SPOCK3: variants seen among roughly 807,000 people sequenced by gnomAD.
SPOCK3 encodes the protein testican-3.
A neutral mutation model predicts 56.6 loss-of-function variants in SPOCK3; 30 were observed. That is an observed-to-expected ratio of 0.53 (90% CI 0.40 to 0.72). The LOEUF (loss-of-function observed/expected upper bound fraction) is 0.72. Ranked by LOEUF, SPOCK3 falls within the 30% of genes least tolerant of loss-of-function variation. SPOCK3 has a pLI of 0.00. For missense variants in SPOCK3, 527 were observed against 530.0 expected (o/e 0.99, Z 0.06); for synonymous variants, 196 against 183.3 (o/e 1.07, Z -0.56).
At chr4:167,209,943 G>A (rs1734708818) in intron 2 of SPOCK3, among the ~76,000 whole-genome samples, 1 of 152,024 alleles carries the variant, frequency 6.6e-6, no homozygotes, top group South Asian at 2.1e-4. Context: ...CAGTGAAGGG[G>A]GACATCACAA....
At chr4:166,994,422 C>T (rs1748134620) in intron 4 of SPOCK3, among the ~76,000 whole-genome samples, 1 of 152,142 alleles carries the variant, frequency 6.6e-6, no homozygotes, top group Non-Finnish European at 1.5e-5. Context: ...GCCAGGCATT[C>T]TGTCTCTGGC....
intron 4 of SPOCK3, among the ~76,000 whole-genome samples, chr4:166,981,393 C>A (rs1163062830): frequency 1.3e-5 from 2 of 151,982 alleles, no homozygotes; most frequent in African/African-American, 4.8e-5. Flanking sequence ...CAGGAGATCC[C>A]AATGAGTGTC....
intron 2 of SPOCK3, among the ~76,000 whole-genome samples, chr4:167,099,248 AT>A (rs1163537923): frequency 2.0e-5 from 3 of 151,994 alleles, no homozygotes; most frequent in East Asian, 1.9e-4. Flanking sequence ...CATTTTCTTC[AT>A]TTTTTAGTAG....
intron 4 of SPOCK3, among the ~76,000 whole-genome samples, chr4:166,981,545 G>A (rs951242588): frequency 2.0e-5 from 3 of 152,158 alleles, no homozygotes; most frequent in African/African-American, 4.8e-5. Flanking sequence ...CTGAGTCCAG[G>A]GTTTTTATGG....
chr4:167,219,394 C>A (rs2111088228), intron 2 of SPOCK3, among the ~76,000 whole-genome samples: 1 of 152,248 alleles, frequency 6.6e-6, no homozygotes, highest in African/African-American at 2.4e-5. Flanking sequence ...TTGAAAGTCA[C>A]AAAGTAGTTT....
intron 6 of SPOCK3, among the ~76,000 whole-genome samples, chr4:166,871,337 G>A (rs1309537485): frequency 1.3e-5 from 2 of 151,924 alleles, no homozygotes; most frequent in African/African-American, 4.8e-5. Context: ...AATAAAAAGA[G>A]GGCAAAATTA....
intron 9 of SPOCK3, among the ~76,000 whole-genome samples, chr4:166,737,970 A>G (rs890872397): frequency 1.3e-5 from 2 of 152,212 alleles, no homozygotes; most frequent in Non-Finnish European, 2.9e-5. Context: ...AGCATGGCAG[A>G]AGACCTGCCA....
chr4:167,138,702 A>G (rs898795042), intron 2 of SPOCK3, among the ~76,000 whole-genome samples: 13 of 151,992 alleles, frequency 8.6e-5, no homozygotes, highest in Admixed American at 7.9e-4. Context: ...ACTGATAAGA[A>G]AGAGTTGTCT....
chr4:166,950,110 T>G (rs1453579138), intron 4 of SPOCK3, among the ~76,000 whole-genome samples: 3 of 151,204 alleles, frequency 2.0e-5, no homozygotes. Flanking sequence ...GTAAATGGAC[T>G]AAATGCTCCA....
Position 167,104,118 on chromosome 4 carries a change from G to A in SPOCK3, c.190-41581C>T, listed in dbSNP as rs371983498. Among the ~76,000 whole-genome samples the A allele has an allele frequency of 2.8e-4, 43 of 152,116 alleles. No homozygotes were observed. The South Asian group carries it at 8.1e-3, about 29-fold the overall frequency. On this transcript the variant is annotated intron_variant, in intron 2 of 10. Transcript: ENST00000357545. ...AAAAAGTCTTCACAAGAACAGGTAC[G>A]AACAAGCCCAATTTGTGAAGACTAA...
intron 2 of SPOCK3, among the ~76,000 whole-genome samples, chr4:167,186,876 C>G (rs1325787812): frequency 1.1e-4 from 16 of 149,954 alleles, no homozygotes; most frequent in Non-Finnish European, 3.0e-5. Flanking sequence ...GCTTGGGAGG[C>G]TGAGGCAGGA....
chr4:166,854,160 AAAG>A (rs1406733048), intron 6 of SPOCK3, among the ~76,000 whole-genome samples: 1 of 152,154 alleles, frequency 6.6e-6, no homozygotes, highest in Non-Finnish European at 1.5e-5. Context: ...CTCCCAAAGC[AAAG>A]AAGAGTACTG....
chr4:167,018,317 T>G (rs1449866705), intron 3 of SPOCK3, among the ~76,000 whole-genome samples: 1 of 152,110 alleles, frequency 6.6e-6, no homozygotes, highest in Admixed American at 6.6e-5. Context: ...TATAATGAAG[T>G]GTCCAGCCTG....
chr4:166,961,857 T>C (rs1744182216), intron 4 of SPOCK3, among the ~76,000 whole-genome samples: 1 of 152,152 alleles, frequency 6.6e-6, no homozygotes, highest in South Asian at 2.1e-4. Context: ...GCTCTAAACC[T>C]GAGCATCTTC....
chr4:166,746,968 A>G (rs1216543435), intron 8 of SPOCK3, among the ~76,000 whole-genome samples: 1 of 152,000 alleles, frequency 6.6e-6, no homozygotes, highest in Non-Finnish European at 1.5e-5. Flanking sequence ...CCAATAACAG[A>G]CTCTGAAATT....
At chr4:167,116,661 CGTATATAG>C (rs1361766119) in intron 2 of SPOCK3, among the ~76,000 whole-genome samples, 1 of 64,176 alleles carries the variant, frequency 1.6e-5, no homozygotes, top group African/African-American at 5.5e-5. Flanking sequence ...CACATATATA[CGTATATAG>C]TATATATGTA....
At chr4:166,912,964 A>C (rs1298705981) in intron 4 of SPOCK3, among the ~76,000 whole-genome samples, 1 of 152,168 alleles carries the variant, frequency 6.6e-6, no homozygotes, top group Non-Finnish European at 1.5e-5. Flanking sequence ...TATGTTCCTT[A>C]AATATATTCT....
chr4:166,929,112 G>A (rs11936667), intron 4 of SPOCK3, among the ~76,000 whole-genome samples: 6 of 151,788 alleles, frequency 4.0e-5, no homozygotes, highest in African/African-American at 1.5e-4. Flanking sequence ...GGGGGCAGTA[G>A]GTACATGGGA....
chr4:167,091,686 T>C (rs1228812282), intron 2 of SPOCK3, among the ~76,000 whole-genome samples: 2 of 152,098 alleles, frequency 1.3e-5, no homozygotes, highest in African/African-American at 2.4e-5. Flanking sequence ...TGGAGAATAA[T>C]AGAAAAGGTT....
Sources: gnomAD v4.1 joint callset for allele counts (sites outside exome capture counted in the v4.1 genomes callset) on GRCh38, gnomAD v4.1.1 for gene constraint, MANE v1.5 for transcripts, NCBI Gene and HGNC (gene_info 2026-07-23, HGNC 2026-07-21) for gene names.